The following PTGFRN variants were observed in gnomAD, a reference collection of about 807,000 sequenced individuals.
PTGFRN encodes prostaglandin F2 receptor negative regulator.
Under a neutral mutation model 83.2 loss-of-function variants are expected in PTGFRN, and 35 were observed. The observed-to-expected ratio is 0.42, with a 90% confidence interval of 0.32 to 0.56. PTGFRN has a LOEUF of 0.56. Among genes scored for constraint, PTGFRN ranks in the 20% least tolerant of loss-of-function variants. The probability of loss-of-function intolerance (pLI) is 0.11; values close to 1 mark genes in which losing one functional copy is unlikely to be tolerated. For synonymous variants in PTGFRN, 519 were observed against 498.6 expected (o/e 1.04, Z -0.55); for missense variants, 1,051 against 1,179.5 (o/e 0.89, Z 1.60).
At chr1:116,925,262 C>T (rs1042952167) in intron 1 of PTGFRN, among the ~76,000 whole-genome samples, 8 of 151,846 alleles carry the variant, frequency 5.3e-5, no homozygotes, top group East Asian at 3.9e-4. Flanking sequence ...ACCCTGTCTT[C>T]GTTAAAAATA....
intron 2 of PTGFRN, among the ~76,000 whole-genome samples, chr1:116,942,858 G>A (rs1289545410): frequency 5.3e-5 from 8 of 152,150 alleles, no homozygotes; most frequent in African/African-American, 1.9e-4. Flanking sequence ...AATCAAAATA[G>A]GGCAGAATAT....
chr1:116,918,807 T>C lies in PTGFRN; in HGVS notation c.49+8555T>C, dbSNP rs1166074472. Among the ~76,000 whole-genome samples the C allele has an allele frequency of 1.3e-5, 2 of 152,194 alleles. No individual in the cohort carries two copies. The highest frequency in any genetic ancestry group is 4.8e-5 in the African/African-American group (2 of 41,444). Reference sequence around the variant, plus strand: ...GCAGCCTAGGAGGGACAGCATCATGTGGTCTCTCCATGGAATGAGAGTGGA... The same window carrying C: ...GCAGCCTAGGAGGGACAGCATCATGCGGTCTCTCCATGGAATGAGAGTGGA... On this transcript the variant is annotated intron_variant, in intron 1 of 8. Transcript: ENST00000393203. This position sits in a 1 kb window ranked among gnomAD's most constrained non-coding sequence, Gnocchi z 4.1.
At chr1:116,935,681 G>T (rs1158294262) in intron 1 of PTGFRN, among the ~76,000 whole-genome samples, 1 of 152,154 alleles carries the variant, frequency 6.6e-6, no homozygotes, top group African/African-American at 2.4e-5. Context: ...TAGTTAAAGT[G>T]CCCTTATTTT....
At chr1:116,945,122 T>A (rs754891497) in intron 3 of PTGFRN, 30 bp downstream of exon 3, 5 of 1,568,418 alleles carry the variant, frequency 3.2e-6, no homozygotes, top group Non-Finnish European at 4.3e-6. Flanking sequence ...TTATAGGTGA[T>A]GTTATTTTGT....
intron 4 of PTGFRN, among the ~76,000 whole-genome samples, chr1:116,957,151 C>CTGTGTGTG (rs57827917): frequency 6.8e-5 from 10 of 146,912 alleles, no homozygotes; most frequent in South Asian, 2.2e-4. Context: ...CGCTGGCTCG[C>CTGTGTGTG]TGTGTGTGTG....
At chr1:116,949,632 T>C in intron 4 of PTGFRN, 60 bp downstream of exon 4, 2 of 1,543,402 alleles carry the variant, frequency 1.3e-6, no homozygotes, top group Non-Finnish European at 1.7e-6. Context: ...CGGAGTTATC[T>C]GAAGGAGTTA....
At chr1:116,931,024 G>A (rs944020997) in intron 1 of PTGFRN, among the ~76,000 whole-genome samples, 7 of 152,170 alleles carry the variant, frequency 4.6e-5, no homozygotes, top group Non-Finnish European at 8.8e-5. Context: ...GCACCTGTTA[G>A]TGCATCTCTT....
intron 6 of PTGFRN, among the ~76,000 whole-genome samples, chr1:116,967,612 C>T (rs1381084149): frequency 1.3e-5 from 2 of 152,208 alleles, no homozygotes; most frequent in African/African-American, 4.8e-5. Flanking sequence ...CATTCTGCAG[C>T]AACCATGATC....
chr1:116,931,009 CT>C (rs1649784958), intron 1 of PTGFRN, among the ~76,000 whole-genome samples: 1 of 152,200 alleles, frequency 6.6e-6, no homozygotes, highest in African/African-American at 2.4e-5. Flanking sequence ...CTTTTGACCC[CT>C]GAGGCACCTG....
chr1:116,961,223 C>T lies in PTGFRN; in HGVS notation c.1214-20C>T. The T allele has an allele frequency of 6.7e-7, 1 of 1,501,146 alleles. No homozygotes were observed. The highest frequency in any genetic ancestry group is 8.9e-7 in the Non-Finnish European group (1 of 1,125,978). 93.0% of individuals were successfully genotyped at this position (1,501,146 alleles called of 1,614,324 possible). A position where few individuals can be genotyped will look rare whatever the true frequency, so the allele number is the denominator to read the frequency against. ...TACTCTAATTATTTTCCTATCCTGG[C>T]CTTTCTGTCTCTCGTTCAGAACCAG... On this transcript the variant is annotated intron_variant, in intron 4 of 8. Transcript: ENST00000393203. The surrounding 1 kb of genome is among the most constrained non-coding windows in gnomAD (Gnocchi z 5.4).
chr1:116,934,900 T>C (rs1649883590), intron 1 of PTGFRN, among the ~76,000 whole-genome samples: 1 of 152,230 alleles, frequency 6.6e-6, no homozygotes, highest in African/African-American at 2.4e-5. Context: ...TGATGAGAGC[T>C]AGTTGCTTTT....
chr1:116,951,371 C>A (rs1260866777), intron 4 of PTGFRN, among the ~76,000 whole-genome samples: 1 of 152,182 alleles, frequency 6.6e-6, no homozygotes, highest in Non-Finnish European at 1.5e-5. Context: ...CATTTGTTTT[C>A]CTTTGGAGTG....
intron 6 of PTGFRN, among the ~76,000 whole-genome samples, chr1:116,970,773 A>G (rs936601548): frequency 2.0e-5 from 3 of 152,204 alleles, no homozygotes; most frequent in African/African-American, 7.2e-5. Context: ...TTGAAACTGA[A>G]CAGCCTTTGC....
At chr1:116,977,111 C>G (rs1400811036) in intron 7 of PTGFRN, among the ~76,000 whole-genome samples, 2 of 150,454 alleles carry the variant, frequency 1.3e-5, no homozygotes, top group African/African-American at 4.8e-5. Context: ...CAACAAAGAT[C>G]AAAAGAGACA....
chr1:116,924,779 C>T lies in PTGFRN; in HGVS notation c.49+14527C>T, dbSNP rs78168944. Among the ~76,000 whole-genome samples the T allele has an allele frequency of 1.1e-4, 17 of 152,292 alleles. No individual in the cohort carries two copies. The East Asian group carries it at 2.7e-3, about 24-fold the overall frequency. On this transcript the variant is annotated intron_variant, in intron 1 of 8. Transcript: ENST00000393203. ...TACTTTTTGTTAAGCCCCTGGATGA[C>T]GATCCAAAGATCAATTCTGGCCCTA...
chr1:116,954,104 C>T (rs920195754), intron 4 of PTGFRN, among the ~76,000 whole-genome samples: 2 of 152,004 alleles, frequency 1.3e-5, no homozygotes, highest in East Asian at 1.9e-4. Flanking sequence ...GTGATCCGCC[C>T]GTCTCGGCCT....
Position 116,944,867 on chromosome 1 carries a change from G to A in PTGFRN, c.607G>A (p.Gly203Ser). The change falls in exon 3 of 9, where the codon GGC (glycine) becomes AGC (serine). Residue 203 changes from glycine to serine, a missense_variant. This residue lies in a region of PTGFRN where 205 missense variants were observed against 174.5 expected (regional missense o/e 1.17). Coordinates refer to ENST00000393203, the MANE Select transcript of PTGFRN (RefSeq NM_020440.4). The stretch of plus-strand genomic sequence containing the variant: ...GAGCGTCCTCGCCCTGACCCACGAG[G>A]GCAGGTTCCACCCGGGCCTGGGGTA... ...RRSVLALTHE[G>S]RFHPGLGYEQ... is the part of the protein sequence containing the mutation. The A allele has an allele frequency of 6.2e-7, 1 of 1,606,176 alleles. No individual in the cohort carries two copies. The highest frequency in any genetic ancestry group is 8.5e-7 in the Non-Finnish European group (1 of 1,177,548).
intron 1 of PTGFRN, among the ~76,000 whole-genome samples, chr1:116,936,652 G>A (rs1239293777): frequency 6.6e-6 from 1 of 152,202 alleles, no homozygotes; most frequent in Non-Finnish European, 1.5e-5. Flanking sequence ...AAGCACCAGA[G>A]AGTATGGCAT....
At chr1:116,957,121 CT>C (rs1650522404) in intron 4 of PTGFRN, among the ~76,000 whole-genome samples, 1 of 150,768 alleles carries the variant, frequency 6.6e-6, no homozygotes, top group Admixed American at 6.6e-5. Flanking sequence ...CTCTCTCTCT[CT>C]CTCTTTCTCT....
Sources: allele counts gnomAD v4.1 joint callset (sites outside exome capture counted in the v4.1 genomes callset), GRCh38; gene constraint gnomAD v4.1.1; regional missense constraint gnomAD v4.1.1; non-coding constraint Gnocchi (gnomAD v3.1); transcripts MANE v1.5; gene names NCBI Gene and HGNC (gene_info 2026-07-23, HGNC 2026-07-21).